The following UNC13D variants were observed in gnomAD, a reference collection of about 807,000 sequenced individuals.
UNC13D encodes the protein protein unc-13 homolog D.
UNC13D carries 115 observed loss-of-function variants against 151.7 expected under a neutral mutation model. That is an observed-to-expected ratio of 0.76 (90% CI 0.65 to 0.88). UNC13D has a LOEUF of 0.88. Ranked by LOEUF, UNC13D falls within the 40% of genes least tolerant of loss-of-function variation. The probability of loss-of-function intolerance (pLI) is 0.00; values close to 1 mark genes in which losing one functional copy is unlikely to be tolerated. For missense variants in UNC13D, 1,369 were observed against 1,438.7 expected, an observed-to-expected ratio of 0.95 and a Z score of 0.78; for synonymous variants, 588 against 612.2, an observed-to-expected ratio of 0.96 and a Z score of 0.58.
In UNC13D at chr17:75,835,943, C is replaced by T. The variant is rs963071782; in HGVS notation, c.1545-37G>A. On this transcript the variant is annotated intron_variant, in intron 17 of 31. Transcript: ENST00000207549. Reference sequence around the variant, plus strand: ...GCAGCAGGTGTCACCCAGTGGCATACACCAGGGTCCCCATGGTTCCGGCTC... The same window carrying T: ...GCAGCAGGTGTCACCCAGTGGCATATACCAGGGTCCCCATGGTTCCGGCTC... 4 of 1,614,188 alleles carry T rather than the reference C, an allele frequency of 2.5e-6. No homozygotes were observed. In the Admixed American group the frequency reaches 6.7e-5, roughly 27 times the overall value.
chr17:75,844,077 C>T, intron 1 of UNC13D, 144 bp downstream of exon 1: 2 of 1,476,898 alleles, frequency 1.4e-6, no homozygotes, highest in South Asian at 1.2e-5. Flanking sequence ...GCCCAGGGGG[C>T]TCTCCCCAGG....
At chr17:75,828,727 C>T in intron 31 of UNC13D, 60 bp downstream of exon 31, 2 of 1,438,606 alleles carry the variant, frequency 1.4e-6, no homozygotes, top group East Asian at 2.6e-5. Context: ...TCTCTGGGGC[C>T]CCTGCCTGAG....
In UNC13D at chr17:75,830,032, CA is replaced by C; in HGVS notation, c.2949del (p.Phe983LeufsTer46). 1 of 1,576,846 alleles carries C rather than the reference CA, an allele frequency of 6.3e-7. No individual in the cohort carries two copies. ...AGAAGAACGGGACCCACTCACAATT[CA>C]AAGGTCTCATCAAACAATGGGTGAA... is the stretch of plus-strand genomic sequence containing the variant. ...KDLHPLFDETFEFLVPAEPCR... is the reference protein window; with the variant it reads ...KDLHPLFDETXEFLVPAEPCR... On this transcript the variant is annotated frameshift_variant, in exon 30 of 32. Coordinates refer to ENST00000207549, the MANE Select transcript of UNC13D (RefSeq NM_199242.3). LOFTEE classifies it high-confidence loss of function.
rs757899809 is a variant in UNC13D at position 75,834,449 on chromosome 17, T to C, written c.2174A>G (p.Glu725Gly). The change falls in exon 23 of 32, where the codon GAG (glutamate) becomes GGG (glycine). Residue 725 changes from glutamate (E) to glycine (G), a missense_variant. Glu to Gly is a moderately conservative substitution (Grantham distance 98, BLOSUM62 -2). Coordinates refer to ENST00000207549, the MANE Select transcript of UNC13D (RefSeq NM_199242.3). ...CTCCAGCACGGCCCCTACCCGCTGC[T>C]CCAGGGCCTCCCATGCCAGCTGGGC... ...LPAQLAWEAL[E>G]QRVGAVLEQG... The C allele has an allele frequency of 1.4e-4, 218 of 1,564,424 alleles. No homozygotes were observed. The highest frequency in any genetic ancestry group is 1.8e-4 in the Non-Finnish European group (209 of 1,158,680).
intron 12 of UNC13D, among the ~76,000 whole-genome samples, chr17:75,839,200 G>C (rs12603812): frequency 0.46 from 69,024 of 151,694 alleles, 19,142 homozygotes; most frequent in African/African-American, 0.79. Flanking sequence ...GTCGGGAGTT[G>C]GAGACCAGCT....
rs1486159335 is a variant in UNC13D at position 75,827,599 on chromosome 17, C to T, written c.*366G>A. 5 of 1,535,442 alleles carry T rather than the reference C, an allele frequency of 3.3e-6. No individual in the cohort carries two copies. The South Asian group carries it at 4.8e-5, about 15-fold the overall frequency. On this transcript the variant is annotated 3_prime_UTR_variant, in exon 32 of 32. Transcript: ENST00000207549. Reference sequence around the variant, plus strand: ...GTGAACCTGGCCCCCACCCCAGTGGCTGGAACAGGAAGGCCAGGAGGCAGA... The same window carrying T: ...GTGAACCTGGCCCCCACCCCAGTGGTTGGAACAGGAAGGCCAGGAGGCAGA...
rs754973285 is a variant in UNC13D at position 75,834,462 on chromosome 17, A to G, written c.2161T>C (p.Trp721Arg). ...VIGKLPAQLA[W>R]EALEQRVGAV... Reference sequence around the variant, plus strand: ...CCTACCCGCTGCTCCAGGGCCTCCCATGCCAGCTGGGCGGGCAACTTGCCG... The same window carrying G: ...CCTACCCGCTGCTCCAGGGCCTCCCGTGCCAGCTGGGCGGGCAACTTGCCG... The change falls in exon 23 of 32, where the codon TGG becomes CGG. Residue 721 changes from tryptophan to arginine, a missense_variant. This residue lies in a region of UNC13D where 807 missense variants were observed against 795.5 expected (regional missense o/e 1.01). Transcript: ENST00000207549. 5 of 1,565,012 alleles carry G rather than the reference A, an allele frequency of 3.2e-6. No homozygotes were observed. The highest frequency in any genetic ancestry group is 1.2e-5 in the South Asian group (1 of 86,756).
In UNC13D at chr17:75,830,645, A is replaced by G. The variant is rs1333422155; in HGVS notation, c.2642T>C (p.Leu881Pro). 8.4e-6 allele frequency: 13 copies of G among 1,554,560 alleles called. No homozygotes were observed. Among genetic ancestry groups the G allele is most frequent in the Non-Finnish European group, 1.1e-5 (13 of 1,149,380 alleles). ...TATFQALQRD[L>P]ELQAASSREL... is the part of the protein sequence containing the mutation. ...CCGGCTGGAGGCCGCCTGCAGCTCC[A>G]GGTCCCTCTGCAGAGCCTGGGAACA... is the stretch of plus-strand genomic sequence containing the variant. Residue 881 changes from leucine to proline, a missense_variant, in exon 28 of 32, where the codon CTG becomes CCG. Around this residue, in one of 3 missense-constraint regions of UNC13D, gnomAD observed 807 missense variants for 795.5 expected, o/e 1.01. Coordinates refer to ENST00000207549, the MANE Select transcript of UNC13D (RefSeq NM_199242.3).
chr17:75,828,920 G>A lies in UNC13D; in HGVS notation c.3018C>T (p.Tyr1006=), dbSNP rs775862197. The change falls in exon 31 of 32, where the codon TAC becomes TAT. Residue 1006 remains tyrosine, a synonymous_variant. Transcript: ENST00000207549. ...CCAGGTCGTCGGCCCCCAGCGTGTC[G>A]TAGTCCAGCACGGTGAGCAGGAGGC... ...GACLLLTVLD[Y]DTLGADDLEG... The A allele has an allele frequency of 3.1e-5, 50 of 1,607,060 alleles. No homozygotes were observed. Among genetic ancestry groups the A allele is most frequent in the Middle Eastern group, 1.7e-4 (1 of 5,840 alleles).
Position 75,827,438 on chromosome 17 carries a change from G to T in UNC13D, c.*527C>A. Reference sequence around the variant, plus strand: ...CTCCAGGCTTCCTGGCCTGGATGCTGGCAGCCCCTGGGGAGAGGACCCAGG... The same window carrying T: ...CTCCAGGCTTCCTGGCCTGGATGCTTGCAGCCCCTGGGGAGAGGACCCAGG... On this transcript the variant is annotated 3_prime_UTR_variant, in exon 32 of 32. Transcript: ENST00000207549. 1 of 1,425,414 alleles carries T rather than the reference G, an allele frequency of 7.0e-7. No individual in the cohort carries two copies. The highest frequency in any genetic ancestry group is 9.2e-7 in the Non-Finnish European group (1 of 1,091,362). The allele number at this position is 1,425,414 out of a possible 1,614,324, so 88.3% of individuals were successfully genotyped here.
In UNC13D at chr17:75,843,172, C is replaced by T. The variant is rs143944122; in HGVS notation, c.248G>A (p.Arg83Gln). 1.3e-5 allele frequency: 21 copies of T among 1,612,044 alleles called. No homozygotes were observed. The highest frequency in any genetic ancestry group is 3.3e-5 in the South Asian group (3 of 91,076). The change falls in exon 3 of 32, where the codon CGA becomes CAA. Residue 83 changes from arginine to glutamine, a missense_variant. Around this residue, in one of 3 missense-constraint regions of UNC13D, gnomAD observed 550 missense variants for 609.0 expected, o/e 0.90. Coordinates refer to ENST00000207549, the MANE Select transcript of UNC13D (RefSeq NM_199242.3). ...NHVTEASELL[R>Q]YLQEAFHVEP... ...AGCCGGGCTCACCTCCTGCAGGTAT[C>T]GCAGCAGCTCAGAGGCCTCCGTCAC...
chr17:75,837,732 C>T (rs769897365), intron 12 of UNC13D, among the ~76,000 whole-genome samples: 7 of 128,242 alleles, frequency 5.5e-5, no homozygotes, highest in South Asian at 2.3e-4. Flanking sequence ...CCAGCCTGGG[C>T]GACAAGAGGG....
At position 75,832,848 on chromosome 17, in the gene UNC13D, C is replaced by T. The variant is rs189286376; in HGVS notation, c.2447+118G>A. 42 of 978,686 alleles carry T rather than the reference C, an allele frequency of 4.3e-5. No individual in the cohort carries two copies. Among genetic ancestry groups the T allele is most frequent in the East Asian group, 8.3e-5 (3 of 36,332 alleles). The allele number at this position is 978,686 out of a possible 1,614,324, so 60.6% of individuals were successfully genotyped here. ...TGGGAGGAGAGGGGGAGGTGGCGAG[C>T]GCGCCCAGGGCAGGGGCTGCTACAC... On this transcript the variant is annotated intron_variant, in intron 25 of 31. Coordinates refer to ENST00000207549, the MANE Select transcript of UNC13D (RefSeq NM_199242.3). The surrounding 1 kb of genome is among the most constrained non-coding windows in gnomAD (Gnocchi z 4.3).
chr17:75,843,771 CT>C, intron 1 of UNC13D: 4 of 1,414,912 alleles, frequency 2.8e-6, no homozygotes, highest in Non-Finnish European at 3.7e-6. Context: ...ACCTCCCTCC[CT>C]TCCCCAGAGG....
chr17:75,831,981 TA>T (rs1277484367), intron 25 of UNC13D: 1 of 154,738 alleles, frequency 6.5e-6, no homozygotes, highest in African/African-American at 2.4e-5. Context: ...TAGCCAGGCA[TA>T]ATGGCATGCA....
In UNC13D at chr17:75,843,065, G is replaced by T. The variant is rs761478169; in HGVS notation, c.270C>A (p.His90Gln). ...TCTGCTGGTGCTCCTCGGGCTCCACGTGGAAGGCCTGGTGGGGAGGCAGGC... is the reference window on the plus strand; with the variant it reads ...TCTGCTGGTGCTCCTCGGGCTCCACTTGGAAGGCCTGGTGGGGAGGCAGGC... ...ELLRYLQEAF[H>Q]VEPEEHQQTL... Residue 90 changes from histidine to glutamine, a missense_variant, in exon 4 of 32, where the codon CAC becomes CAA. Coordinates refer to ENST00000207549, the MANE Select transcript of UNC13D (RefSeq NM_199242.3). 1 of 1,606,852 alleles carries T rather than the reference G, an allele frequency of 6.2e-7. No homozygotes were observed. The highest frequency in any genetic ancestry group is 8.5e-7 in the Non-Finnish European group (1 of 1,177,648).
intron 29 of UNC13D, 82 bp downstream of exon 29, chr17:75,830,280 G>A: frequency 1.3e-6 from 2 of 1,563,812 alleles, no homozygotes; most frequent in Non-Finnish European, 1.7e-6. Context: ...GCTCCTGCAG[G>A]GTGAGCGAAG....
Position 75,830,626 on chromosome 17 carries a change from G to A in UNC13D, c.2661C>T (p.Ser887=), listed in dbSNP as rs1375618127. The change falls in exon 28 of 32, where the codon TCC becomes TCT. Residue 887 remains serine, a synonymous_variant. Transcript: ENST00000207549. ...LQRDLELQAA[S]SRELIRKYFC... Reference sequence around the variant, plus strand: ...AGTACTTCCGGATGAGTTCCCGGCTGGAGGCCGCCTGCAGCTCCAGGTCCC... The same window carrying A: ...AGTACTTCCGGATGAGTTCCCGGCTAGAGGCCGCCTGCAGCTCCAGGTCCC... The A allele has an allele frequency of 2.6e-6, 4 of 1,556,992 alleles. No individual in the cohort carries two copies. Among genetic ancestry groups the A allele is most frequent in the African/African-American group, 2.7e-5 (2 of 73,314 alleles).
chr17:75,834,968 G>A lies in UNC13D; in HGVS notation c.1944C>T (p.Asp648=), dbSNP rs771580604. The change falls in exon 21 of 32, where the codon GAC becomes GAT. Residue 648 remains aspartate, a synonymous_variant. Coordinates refer to ENST00000207549, the MANE Select transcript of UNC13D (RefSeq NM_199242.3). The part of the protein sequence containing the change: ...AQISHTARQL[D]WPDPEEAFMI... ...TGAAGGCCTCCTCTGGGTCTGGCCA[G>A]TCCAGCTGCCGGGCAGTGTGGCTGA... is the stretch of plus-strand genomic sequence containing the variant. The A allele has an allele frequency of 6.2e-7, 1 of 1,614,154 alleles. No individual in the cohort carries two copies. Among genetic ancestry groups the A allele is most frequent in the African/African-American group, 1.3e-5 (1 of 75,052 alleles).
Sources: gnomAD v4.1 joint callset for allele counts (sites outside exome capture counted in the v4.1 genomes callset) on GRCh38, gnomAD v4.1.1 for gene constraint, gnomAD v4.1.1 regional missense constraint, Gnocchi (gnomAD v3.1) non-coding constraint, MANE v1.5 for transcripts, NCBI Gene and HGNC (gene_info 2026-07-23, HGNC 2026-07-21) for gene names.